Variants in BNC2 observed in about 807,000 individuals in gnomAD.
BNC2 encodes zinc finger protein basonuclin-2.
BNC2 carries 20 observed loss-of-function variants against 76.3 expected under a neutral mutation model. That is an observed-to-expected ratio of 0.26 (90% CI 0.18 to 0.38). The LOEUF (loss-of-function observed/expected upper bound fraction) is 0.38. BNC2 is among the 10% of genes least tolerant of loss of function. The probability of loss-of-function intolerance (pLI) is 1.00; values close to 1 mark genes in which losing one functional copy is unlikely to be tolerated. For synonymous variants in BNC2, 582 were observed against 514.8 expected (o/e 1.13, Z -1.77); for missense variants, 1,382 against 1,399.8 (o/e 0.99, Z 0.20).
At chr9:16,622,312 G>T (rs926750119) in intron 3 of BNC2, among the ~76,000 whole-genome samples, 1 of 152,126 alleles carries the variant, frequency 6.6e-6, no homozygotes, top group Non-Finnish European at 1.5e-5. Context: ...AGAACCTATA[G>T]CTCCCTCTGA....
chr9:16,555,072 G>GACT (rs1266938111), intron 4 of BNC2, among the ~76,000 whole-genome samples: 8,136 of 150,696 alleles, frequency 0.054, 829 homozygotes, highest in African/African-American at 0.19. Flanking sequence ...CAGGCTGGAG[G>GACT]GCAGTGGCGC....
chr9:16,654,203 T>C (rs1359442739), intron 3 of BNC2, among the ~76,000 whole-genome samples: 10 of 152,192 alleles, frequency 6.6e-5, no homozygotes, highest in African/African-American at 1.2e-4. Context: ...TTGTCCTCTC[T>C]TTTGGTTTCA....
rs1817941739 is a variant in BNC2, at chr9:16,530,422, G to A, written c.669+22108C>T. On this transcript the variant is annotated intron_variant, in intron 5 of 6. Transcript: ENST00000380672. The stretch of plus-strand genomic sequence containing the variant: ...CTACTCCACATTTCACCCCCTTCAT[G>A]AGAATTGCTAAGCACTATGAAAGCC... 2.0e-5 allele frequency among the ~76,000 whole-genome samples: 3 copies of A among 152,230 alleles called. 1 individual carries two copies. Among genetic ancestry groups the A allele is most frequent in the East Asian group, 3.9e-4 (2 of 5,168 alleles).
At chr9:16,768,015 G>C (rs1825742177) in intron 1 of BNC2, among the ~76,000 whole-genome samples, 1 of 150,958 alleles carries the variant, frequency 6.6e-6, no homozygotes, top group Admixed American at 6.6e-5. Context: ...ACCCAGGCTG[G>C]AGTGAAGTGG....
chr9:16,808,116 A>G (rs185767350), intron 1 of BNC2, among the ~76,000 whole-genome samples: 5 of 152,342 alleles, frequency 3.3e-5, no homozygotes, highest in Non-Finnish European at 7.3e-5. Context: ...AAAGAATAAC[A>G]AAATTTCAGA....
At position 16,762,935 on chromosome 9, in the gene BNC2, T is replaced by C. The variant is rs186005612; in HGVS notation, c.4-24450A>G. Among the ~76,000 whole-genome samples, 12 of 152,300 alleles carry C rather than the reference T, an allele frequency of 7.9e-5. No individual in the cohort carries two copies. The East Asian group carries it at 2.1e-3, about 27-fold the overall frequency. On this transcript the variant is annotated intron_variant, in intron 1 of 6. Transcript: ENST00000380672. ...GCATCCCTATGAGATCAAAGGCAGA[T>C]AGATACTATCATTTCCAGTGTACAT...
intron 5 of BNC2, among the ~76,000 whole-genome samples, chr9:16,496,434 G>T (rs987004079): frequency 6.6e-6 from 1 of 152,122 alleles, no homozygotes; most frequent in East Asian, 1.9e-4. Context: ...CACCATTATT[G>T]TGACAATGAC....
At chr9:16,779,130 A>AAAAAAAAAAAAAAAAAAAG (rs556932807) in intron 1 of BNC2, among the ~76,000 whole-genome samples, 7 of 87,624 alleles carry the variant, frequency 8.0e-5, no homozygotes, top group Non-Finnish European at 1.1e-4. Flanking sequence ...AAAAAAAAAA[A>AAAAAAAAAAAAAAAAAAAG]AAAAGAAAAG....
At chr9:16,449,948 T>C (rs73415444) in intron 5 of BNC2, among the ~76,000 whole-genome samples, 1,834 of 152,262 alleles carry the variant, frequency 0.012, 41 homozygotes, top group African/African-American at 0.042. Context: ...CCAAGGTTCA[T>C]CAATTTTAAA....
chr9:16,429,737 CTT>C (rs752685805), intron 6 of BNC2: 8 of 311,572 alleles, frequency 2.6e-5, no homozygotes, highest in African/African-American at 4.3e-5. Flanking sequence ...GTAAAAATCT[CTT>C]TGCATCATGA....
intron 4 of BNC2, among the ~76,000 whole-genome samples, chr9:16,563,440 G>A (rs184106384): frequency 5.9e-5 from 9 of 151,414 alleles, no homozygotes; most frequent in African/African-American, 1.9e-4. Context: ...CCAACAGAGC[G>A]AAACCCTGTA....
chr9:16,432,886 A>T (rs1820933938), intron 6 of BNC2, among the ~76,000 whole-genome samples: 1 of 152,256 alleles, frequency 6.6e-6, no homozygotes. Flanking sequence ...GGTTCTCGTG[A>T]CTAACAAAGT....
chr9:16,844,237 T>C (rs544748639), intron 1 of BNC2, among the ~76,000 whole-genome samples: 1 of 152,080 alleles, frequency 6.6e-6, no homozygotes, highest in African/African-American at 2.4e-5. Context: ...CAAAATCTGA[T>C]GGGTGTTTGC....
intron 1 of BNC2, among the ~76,000 whole-genome samples, chr9:16,803,154 T>C (rs1817823865): frequency 6.6e-6 from 1 of 152,196 alleles, no homozygotes; most frequent in African/African-American, 2.4e-5. Context: ...TCTAGATGTA[T>C]CCTGTGTGTT....
intron 1 of BNC2, among the ~76,000 whole-genome samples, chr9:16,815,863 G>C (rs10962619): frequency 3.3e-5 from 5 of 151,824 alleles, no homozygotes; most frequent in East Asian, 1.9e-4. Flanking sequence ...TACATTCTTC[G>C]ACACAAAGAT....
chr9:16,863,325 A>G (rs1296570626), intron 1 of BNC2, among the ~76,000 whole-genome samples: 1 of 152,214 alleles, frequency 6.6e-6, no homozygotes, highest in Non-Finnish European at 1.5e-5. Flanking sequence ...AAGACTATGA[A>G]AAATAACTCT....
intron 1 of BNC2, among the ~76,000 whole-genome samples, chr9:16,796,567 G>A (rs567579431): frequency 1.4e-4 from 9 of 62,858 alleles, no homozygotes; most frequent in African/African-American, 3.7e-4. Flanking sequence ...GTGAGACTCC[G>A]TCTCAAAAAA....
At position 16,413,356 on chromosome 9, in the gene BNC2, G is replaced by C. The variant is rs1820515690; in HGVS notation, c.*5633C>G. On this transcript the variant is annotated 3_prime_UTR_variant, in exon 7 of 7. Coordinates refer to ENST00000380672, the MANE Select transcript of BNC2 (RefSeq NM_017637.6). ...TTCAGTGTACATGTAAAAATGCTTA[G>C]TTTTTTTTTTTTTTTTAACCTCCTG... 1 of 143,308 alleles carries C rather than the reference G, an allele frequency of 7.0e-6. No individual in the cohort carries two copies. The highest frequency in any genetic ancestry group is 1.5e-5 in the Non-Finnish European group (1 of 64,726). 8.9% of individuals were successfully genotyped at this position (143,308 alleles called of 1,614,324 possible).
At chr9:16,607,370 T>G (rs1373160814) in intron 3 of BNC2, among the ~76,000 whole-genome samples, 1 of 152,164 alleles carries the variant, frequency 6.6e-6, no homozygotes, top group Non-Finnish European at 1.5e-5. Context: ...GGTGGTCTTA[T>G]GAAGTGGCAT....
Sources: allele counts gnomAD v4.1 joint callset (sites outside exome capture counted in the v4.1 genomes callset), GRCh38; gene constraint gnomAD v4.1.1; transcripts MANE v1.5; gene names NCBI Gene and HGNC (gene_info 2026-07-23, HGNC 2026-07-21).